Variants in AMOTL1 observed in about 807,000 individuals in gnomAD.
The protein encoded by AMOTL1 is angiomotin-like protein 1.
Under a neutral mutation model 102.9 loss-of-function variants are expected in AMOTL1, and 45 were observed. That is an observed-to-expected ratio of 0.44 (90% CI 0.34 to 0.56). The LOEUF (loss-of-function observed/expected upper bound fraction) is 0.56, where lower values mean the gene tolerates loss of function less well. AMOTL1 is among the 20% of genes least tolerant of loss of function. The pLI is 0.01. For synonymous variants in AMOTL1, 481 were observed against 484.7 expected (o/e 0.99, Z 0.10); for missense variants, 1,114 against 1,225.6 (o/e 0.91, Z 1.36).
At chr11:94,716,702 C>G (rs72967827) in intron 1 of AMOTL1, among the ~76,000 whole-genome samples, 2 of 152,004 alleles carry the variant, frequency 1.3e-5, no homozygotes, top group Admixed American at 1.3e-4. Context: ...GCTAATGCTT[C>G]GCCTGAGGAT....
chr11:94,826,728 AC>A, intron 4 of AMOTL1, among the ~76,000 whole-genome samples: 2 of 152,088 alleles, frequency 1.3e-5, no homozygotes, highest in African/African-American at 4.8e-5. Context: ...ACTAGGCCCC[AC>A]CTCCCAATGT....
At chr11:94,720,802 G>C (rs982087614) in intron 1 of AMOTL1, among the ~76,000 whole-genome samples, 11 of 152,124 alleles carry the variant, frequency 7.2e-5, no homozygotes, top group African/African-American at 2.4e-4. Context: ...GATCAGCTGG[G>C]CTAGAGAGGT....
chr11:94,821,444 C>T, intron 3 of AMOTL1, 86 bp from the exon 4 acceptor site: 1 of 1,400,300 alleles, frequency 7.1e-7, no homozygotes, highest in Non-Finnish European at 9.7e-7. Context: ...CCATGGAAGC[C>T]ATCAACAGTG....
intron 1 of AMOTL1, among the ~76,000 whole-genome samples, chr11:94,772,732 T>C (rs1380378908): frequency 1.3e-5 from 2 of 152,228 alleles, no homozygotes; most frequent in Non-Finnish European, 2.9e-5. Flanking sequence ...ATGCCCATGA[T>C]TGTGATTGCT....
Position 94,864,616 on chromosome 11 carries a change from G to A in AMOTL1, c.2136-119G>A, listed in dbSNP as rs926409186. The stretch of plus-strand genomic sequence containing the variant: ...AGGGAAAGGCTTCATGAGCCAATGC[G>A]AGATGCAGAGCTGATCTCTGTTCCA... On this transcript the variant is annotated intron_variant, in intron 9 of 12. Transcript: ENST00000433060. 3.0e-5 allele frequency: 41 copies of A among 1,382,960 alleles called. No homozygotes were observed. The Middle Eastern group carries it at 6.8e-4, about 23-fold the overall frequency. 85.7% of individuals were successfully genotyped at this position (1,382,960 alleles called of 1,614,324 possible). A position where few individuals can be genotyped will look rare whatever the true frequency, so the allele number is the denominator to read the frequency against.
rs759362744 is a variant in AMOTL1, at chr11:94,866,188, C to T, written c.2488+20C>T. ...GCATAGGTGAGCCCCACACCTCTGT[C>T]AGACCATGATTGGAAAAGCAAGACC... On this transcript the variant is annotated intron_variant, in intron 11 of 12. Coordinates refer to ENST00000433060, the MANE Select transcript of AMOTL1 (RefSeq NM_130847.3). The T allele has an allele frequency of 2.4e-5, 38 of 1,609,756 alleles. No homozygotes were observed. In the Admixed American group the frequency reaches 6.3e-4, roughly 27 times the overall value.
intron 1 of AMOTL1, among the ~76,000 whole-genome samples, chr11:94,779,606 C>G (rs1329318907): frequency 2.0e-5 from 3 of 151,418 alleles, no homozygotes; most frequent in East Asian, 1.9e-4. Context: ...ATTTTTTTTT[C>G]CCCTTTAAGA....
intron 3 of AMOTL1, among the ~76,000 whole-genome samples, chr11:94,753,062 G>A (rs775807815): frequency 1.3e-5 from 2 of 152,022 alleles, no homozygotes; most frequent in Admixed American, 6.6e-5. Context: ...AAATTCAAAC[G>A]GCAACTCCAG....
chr11:94,729,134 G>A (rs2135456222), intron 2 of AMOTL1: 1 of 1,045,190 alleles, frequency 9.6e-7, no homozygotes, highest in African/African-American at 1.6e-5. Context: ...ACTGTACTCA[G>A]TACGTGCCCA....
At chr11:94,739,593 C>T (rs1032113008) in intron 2 of AMOTL1, among the ~76,000 whole-genome samples, 127 of 152,280 alleles carry the variant, frequency 8.3e-4, no homozygotes, top group African/African-American at 2.9e-3. Flanking sequence ...GCAGCTGGTG[C>T]TCTGATCACT....
At chr11:94,727,908 G>A (rs1243233309) in intron 1 of AMOTL1, among the ~76,000 whole-genome samples, 2 of 152,244 alleles carry the variant, frequency 1.3e-5, no homozygotes, top group East Asian at 3.9e-4. Context: ...CAGGCAGATA[G>A]CCAAAAAGCA....
chr11:94,723,200 A>C (rs1467500710), intron 1 of AMOTL1, among the ~76,000 whole-genome samples: 1 of 152,130 alleles, frequency 6.6e-6, no homozygotes, highest in East Asian at 1.9e-4. Context: ...AAGGGTGAAC[A>C]AGATGTGATT....
intron 1 of AMOTL1, among the ~76,000 whole-genome samples, chr11:94,723,199 C>A (rs752800536): frequency 2.0e-5 from 3 of 152,036 alleles, no homozygotes; most frequent in Non-Finnish European, 2.9e-5. Flanking sequence ...GAAGGGTGAA[C>A]AAGATGTGAT....
chr11:94,775,002 A>G (rs919410516), intron 1 of AMOTL1, among the ~76,000 whole-genome samples: 2 of 152,206 alleles, frequency 1.3e-5, no homozygotes, highest in African/African-American at 4.8e-5. Context: ...AACTGGGTAT[A>G]TGGCTACCAT....
chr11:94,766,373 G>T (rs1045398438), upstream of AMOTL1, among the ~76,000 whole-genome samples: 8 of 152,094 alleles, frequency 5.3e-5, no homozygotes, highest in African/African-American at 1.9e-4. Context: ...TCTTCATCTT[G>T]CCAAAAAGGA....
intron 1 of AMOTL1, among the ~76,000 whole-genome samples, chr11:94,714,558 T>C (rs759614677): frequency 4.6e-5 from 7 of 152,098 alleles, no homozygotes; most frequent in Non-Finnish European, 1.0e-4. Flanking sequence ...ATTTTTTAAA[T>C]AGTTGTAGAG....
chr11:94,809,255 G>A (rs1433665672), intron 3 of AMOTL1, among the ~76,000 whole-genome samples: 1 of 152,072 alleles, frequency 6.6e-6, no homozygotes, highest in Non-Finnish European at 1.5e-5. Flanking sequence ...ACAAGCATGA[G>A]CCACTGCGCC....
intron 3 of AMOTL1, among the ~76,000 whole-genome samples, chr11:94,805,646 G>T (rs1441104556): frequency 6.6e-6 from 1 of 152,154 alleles, no homozygotes; most frequent in African/African-American, 2.4e-5. Context: ...GCTCAATCTT[G>T]TCTGTTCAGC....
intron 3 of AMOTL1, among the ~76,000 whole-genome samples, chr11:94,810,831 GACACACACACACACACACAC>G (rs3995610): frequency 1.4e-5 from 2 of 143,656 alleles, no homozygotes; most frequent in Admixed American, 7.0e-5. Context: ...AAAAATAAAA[GACACACACACACACACACAC>G]ACACACACAC....
Sources: allele counts gnomAD v4.1 joint callset (sites outside exome capture counted in the v4.1 genomes callset), GRCh38; gene constraint gnomAD v4.1.1; transcripts MANE v1.5; gene names NCBI Gene and HGNC (gene_info 2026-07-23, HGNC 2026-07-21).